MAN1C1: variants seen among roughly 807,000 people sequenced by gnomAD.
MAN1C1 encodes mannosyl-oligosaccharide 1,2-alpha-mannosidase IC.
A neutral mutation model predicts 71.5 loss-of-function variants in MAN1C1; 49 were observed. That is an observed-to-expected ratio of 0.69 (90% confidence interval 0.54 to 0.87). The LOEUF is 0.87. Ranked by LOEUF, MAN1C1 falls within the 40% of genes least tolerant of loss-of-function variation. The pLI, the probability that MAN1C1 is intolerant of heterozygous loss-of-function variation, is 0.00. For missense variants in MAN1C1, 743 were observed against 835.0 expected, an observed-to-expected ratio of 0.89 and a Z score of 1.36; for synonymous variants, 352 against 343.7, an observed-to-expected ratio of 1.02 and a Z score of -0.27.
chr1:25,682,065 G>T (rs2046162815), intron 1 of MAN1C1, among the ~76,000 whole-genome samples: 1 of 152,158 alleles, frequency 6.6e-6, no homozygotes, highest in Admixed American at 6.5e-5. Flanking sequence ...AGAATCGGGG[G>T]TTGTACGGAT....
At chr1:25,740,749 TA>T (rs998653789) in intron 2 of MAN1C1, among the ~76,000 whole-genome samples, 3 of 151,916 alleles carry the variant, frequency 2.0e-5, no homozygotes, top group Non-Finnish European at 4.4e-5. Flanking sequence ...TTGAATTTTT[TA>T]AAAAATCTCT....
rs894911226 is a variant in MAN1C1, at chr1:25,616,916, C to G, written c.-882C>G. Among the ~76,000 whole-genome samples the G allele has an allele frequency of 2.0e-4, 30 of 150,572 alleles. No individual in the cohort carries two copies. The highest frequency in any genetic ancestry group is 7.0e-4 in the African/African-American group (29 of 41,196). ...GGAGCGGCCGCTGCGAGGAAGACAG[C>G]TGCAGCGGGGGAGGCGCGGCCAGGG... On this transcript the variant is annotated 5_prime_UTR_variant, in exon 1 of 12. Transcript: ENST00000374332. The surrounding 1 kb of genome is among the most constrained non-coding windows in gnomAD (Gnocchi z 5.6).
chr1:25,752,278 G>A lies in MAN1C1; in HGVS notation c.835-1206G>A, dbSNP rs2047226579. On this transcript the variant is annotated intron_variant, in intron 4 of 11. Transcript: ENST00000374332. ...GCCACCATTGTGTTGTGCAGATGAG[G>A]AAACCAAGGTGCAGCGAGGTTTCCT... Among the ~76,000 whole-genome samples the A allele has an allele frequency of 2.0e-5, 3 of 152,166 alleles. No individual in the cohort carries two copies. In the South Asian group the frequency reaches 6.2e-4, roughly 32 times the overall value.
At chr1:25,695,592 C>A (rs2124201422) in intron 2 of MAN1C1, among the ~76,000 whole-genome samples, 1 of 151,452 alleles carries the variant, frequency 6.6e-6, no homozygotes. Context: ...CGTGCACTCA[C>A]ACCGCCGACC....
intron 2 of MAN1C1, among the ~76,000 whole-genome samples, chr1:25,688,719 G>A (rs2046267651): frequency 6.6e-6 from 1 of 152,176 alleles, no homozygotes; most frequent in Non-Finnish European, 1.5e-5. Flanking sequence ...CAAATCCAAG[G>A]CACTTAACCT....
chr1:25,738,376 T>A (rs1376922259), intron 2 of MAN1C1, among the ~76,000 whole-genome samples: 1 of 152,176 alleles, frequency 6.6e-6, no homozygotes, highest in Non-Finnish European at 1.5e-5. Context: ...GACGATCTGG[T>A]TTTAAACAAT....
chr1:25,758,647 TC>T lies in MAN1C1; in HGVS notation c.988del (p.Leu330CysfsTer45). On this transcript the variant is annotated frameshift_variant, in exon 6 of 12. Coordinates refer to ENST00000374332, the MANE Select transcript of MAN1C1 (RefSeq NM_020379.4). LOFTEE classifies it high-confidence loss of function. ...GSSSILAEFG[S>X]LHLEFLHLTE... is the part of the protein sequence containing the mutation. ...CAGCAGCATCTTGGCGGAGTTTGGA[TC>T]CCTGCACTTGGAATTCTTACACCTC... 1 of 1,614,170 alleles carries T rather than the reference TC, an allele frequency of 6.2e-7. No individual in the cohort carries two copies. The highest frequency in any genetic ancestry group is 8.5e-7 in the Non-Finnish European group (1 of 1,180,028).
intron 5 of MAN1C1, among the ~76,000 whole-genome samples, chr1:25,754,820 T>C (rs1162143324): frequency 6.6e-6 from 1 of 152,148 alleles, no homozygotes; most frequent in Non-Finnish European, 1.5e-5. Context: ...ATCCTGACAT[T>C]TGTGATTAAG....
At chr1:25,685,271 G>T (rs967684387) in intron 1 of MAN1C1, among the ~76,000 whole-genome samples, 3 of 152,188 alleles carry the variant, frequency 2.0e-5, no homozygotes, top group Non-Finnish European at 2.9e-5. Flanking sequence ...CAGAGATAGC[G>T]GCAGAGGTGG....
chr1:25,745,878 C>T (rs1178193003), intron 2 of MAN1C1, among the ~76,000 whole-genome samples: 1 of 151,950 alleles, frequency 6.6e-6, no homozygotes, highest in Non-Finnish European at 1.5e-5. Flanking sequence ...GTAATCCCAG[C>T]TACTTGGGAG....
At chr1:25,717,596 A>G (rs1199287252) in intron 2 of MAN1C1, among the ~76,000 whole-genome samples, 3 of 141,548 alleles carry the variant, frequency 2.1e-5, no homozygotes, top group Non-Finnish European at 4.6e-5. Context: ...TTTTTTTGAG[A>G]TGGAGTTTCT....
Position 25,769,334 on chromosome 1 carries a change from C to T in MAN1C1, c.1142-2323C>T, listed in dbSNP as rs1328485928. 6.6e-6 allele frequency among the ~76,000 whole-genome samples: 1 copy of T among 151,642 alleles called. No homozygotes were observed. The highest frequency in any genetic ancestry group is 6.6e-5 in the Admixed American group (1 of 15,224). On this transcript the variant is annotated intron_variant, in intron 7 of 11. Coordinates refer to ENST00000374332, the MANE Select transcript of MAN1C1 (RefSeq NM_020379.4). The surrounding 1 kb of genome is among the most constrained non-coding windows in gnomAD (Gnocchi z 4.8). ...ACACACGCCCCCATACACCTACATA[C>T]ACCACACACATTCATTCACCACACA...
In MAN1C1 at chr1:25,725,141, A is replaced by C. The variant is rs903662388; in HGVS notation, c.638-21527A>C. ...GCACCATTAAAACCCAGCTCTGGTC[A>C]ATACCAATGTGGTGTGAAGACAAAA... On this transcript the variant is annotated intron_variant, in intron 2 of 11. Transcript: ENST00000374332. This position sits in a 1 kb window ranked among gnomAD's most constrained non-coding sequence, Gnocchi z 4.8. 6.6e-6 allele frequency among the ~76,000 whole-genome samples: 1 copy of C among 152,238 alleles called. No homozygotes were observed. The highest frequency in any genetic ancestry group is 1.5e-5 in the Non-Finnish European group (1 of 68,048).
intron 1 of MAN1C1, among the ~76,000 whole-genome samples, chr1:25,639,886 G>A (rs1344861538): frequency 6.6e-6 from 1 of 152,116 alleles, no homozygotes; most frequent in South Asian, 2.1e-4. Context: ...TTGCTCATCT[G>A]CTTTTAGCTG....
chr1:25,621,858 A>G (rs2045216599), intron 1 of MAN1C1, among the ~76,000 whole-genome samples: 1 of 151,850 alleles, frequency 6.6e-6, no homozygotes, highest in Non-Finnish European at 1.5e-5. Context: ...CGATCTCCTG[A>G]CCTCAGGTGA....
chr1:25,648,691 C>A (rs1023830109), intron 1 of MAN1C1, among the ~76,000 whole-genome samples: 1 of 152,214 alleles, frequency 6.6e-6, no homozygotes, highest in African/African-American at 2.4e-5. Context: ...CAATTAGCAT[C>A]CTCTGCTCTG....
intron 1 of MAN1C1, 150 bp downstream of exon 1, chr1:25,618,487 T>G: frequency 2.8e-6 from 2 of 718,110 alleles, no homozygotes; most frequent in Non-Finnish European, 4.4e-6. Context: ...ACCTTCCCCT[T>G]TCCTCCCAAA....
At chr1:25,716,169 T>G (rs1459216687) in intron 2 of MAN1C1, among the ~76,000 whole-genome samples, 1 of 152,214 alleles carries the variant, frequency 6.6e-6, no homozygotes, top group Non-Finnish European at 1.5e-5. Flanking sequence ...GAAGGGAGGC[T>G]GGGAAATGTA....
At chr1:25,625,061 C>T (rs1470080532) in intron 1 of MAN1C1, among the ~76,000 whole-genome samples, 1 of 141,702 alleles carries the variant, frequency 7.1e-6, no homozygotes, top group Non-Finnish European at 1.5e-5. Flanking sequence ...GCTGGAGTGC[C>T]GTGGCACAAT....
Sources: gnomAD v4.1 joint callset for allele counts (sites outside exome capture counted in the v4.1 genomes callset) on GRCh38, gnomAD v4.1.1 for gene constraint, Gnocchi (gnomAD v3.1) non-coding constraint, MANE v1.5 for transcripts, NCBI Gene and HGNC (gene_info 2026-07-23, HGNC 2026-07-21) for gene names.